Variants in UBE2E1 observed in about 807,000 individuals in gnomAD.
UBE2E1 encodes ubiquitin-conjugating enzyme E2 E1.
A neutral mutation model predicts 21.4 loss-of-function variants in UBE2E1; 6 were observed. That is an observed-to-expected ratio of 0.28 (90% CI 0.15 to 0.55). The LOEUF is 0.55. UBE2E1 is among the 20% of genes least tolerant of loss of function. The pLI, the probability that UBE2E1 is intolerant of heterozygous loss-of-function variation, is 0.93. For synonymous variants in UBE2E1, 87 were observed against 82.7 expected (o/e 1.05, Z -0.28); for missense variants, 142 against 236.5 (o/e 0.60, Z 2.62).
rs1164475881 is a variant in UBE2E1 at position 23,885,258 on chromosome 3, C to A, written c.204-2309C>A. Among the ~76,000 whole-genome samples the A allele has an allele frequency of 2.6e-5, 4 of 152,288 alleles. No homozygotes were observed. The East Asian group carries it at 7.7e-4, about 29-fold the overall frequency. ...TTTCTACCCCCTAACCCAGTACCTT[C>A]AAAGGCTCCACCTCCTAATACCGTC... On this transcript the variant is annotated intron_variant, in intron 3 of 5. Coordinates refer to ENST00000306627, the MANE Select transcript of UBE2E1 (RefSeq NM_003341.5).
chr3:23,861,641 G>A (rs1383791373), intron 3 of UBE2E1, among the ~76,000 whole-genome samples: 3 of 152,226 alleles, frequency 2.0e-5, no homozygotes, highest in South Asian at 2.1e-4. Context: ...ACACATTGGC[G>A]AAGGAATACA....
At position 23,890,626 on chromosome 3, in the gene UBE2E1, T is replaced by TA; in HGVS notation, c.*21dup. 1 of 1,607,916 alleles carries TA rather than the reference T, an allele frequency of 6.2e-7. No individual in the cohort carries two copies. The highest frequency in any genetic ancestry group is 8.5e-7 in the Non-Finnish European group (1 of 1,176,294). ...ACATAAATTGGGGTTTCACAATTCT[T>TA]ACATTATTTGTCTGTCACAGAAGAG... On this transcript the variant is annotated 3_prime_UTR_variant, in exon 6 of 6. Coordinates refer to ENST00000306627, the MANE Select transcript of UBE2E1 (RefSeq NM_003341.5).
chr3:23,874,519 C>T (rs1700873511), intron 3 of UBE2E1, among the ~76,000 whole-genome samples: 1 of 152,168 alleles, frequency 6.6e-6, no homozygotes, highest in African/African-American at 2.4e-5. Flanking sequence ...GTAGCATAAG[C>T]ATTGCAACTG....
intron 3 of UBE2E1, among the ~76,000 whole-genome samples, chr3:23,818,567 C>G (rs1699576329): frequency 6.6e-6 from 1 of 152,150 alleles, no homozygotes; most frequent in Non-Finnish European, 1.5e-5. Flanking sequence ...AAAATTACAC[C>G]ATGTTTGCTC....
In UBE2E1 at chr3:23,831,036, G is replaced by A. The variant is rs549052023; in HGVS notation, c.203+19526G>A. On this transcript the variant is annotated intron_variant, in intron 3 of 5. Transcript: ENST00000306627. The stretch of plus-strand genomic sequence containing the variant: ...ACCCACGTGATCTGGCTTCAGGGCC[G>A]ATACTCAACCACTGTACTTTGGAGA... Among the ~76,000 whole-genome samples, 6 of 152,292 alleles carry A rather than the reference G, an allele frequency of 3.9e-5. No homozygotes were observed. The East Asian group carries it at 7.7e-4, about 20-fold the overall frequency.
At chr3:23,825,235 C>A (rs895744823) in intron 3 of UBE2E1, among the ~76,000 whole-genome samples, 1 of 152,114 alleles carries the variant, frequency 6.6e-6, no homozygotes, top group Non-Finnish European at 1.5e-5. Flanking sequence ...CCTGCCCCAC[C>A]TGTGTTTCTC....
chr3:23,881,420 C>T (rs1411989833), intron 3 of UBE2E1, among the ~76,000 whole-genome samples: 1 of 152,116 alleles, frequency 6.6e-6, no homozygotes, highest in Non-Finnish European at 1.5e-5. Flanking sequence ...AAGGTATAGG[C>T]ATGGTCTCTT....
At chr3:23,832,715 A>C (rs1480418220) in intron 3 of UBE2E1, among the ~76,000 whole-genome samples, 1 of 152,282 alleles carries the variant, frequency 6.6e-6, no homozygotes, top group South Asian at 2.1e-4. Context: ...AGCCTGGACA[A>C]CAGAGCGAGA....
chr3:23,862,664 A>G (rs1011184029), intron 3 of UBE2E1, among the ~76,000 whole-genome samples: 9 of 152,218 alleles, frequency 5.9e-5, no homozygotes, highest in Non-Finnish European at 8.8e-5. Flanking sequence ...TCATTTGGTA[A>G]AGAATTGTGT....
At chr3:23,831,044 A>G (rs1320821096) in intron 3 of UBE2E1, among the ~76,000 whole-genome samples, 1 of 152,238 alleles carries the variant, frequency 6.6e-6, no homozygotes, top group African/African-American at 2.4e-5. Flanking sequence ...CCGATACTCA[A>G]CCACTGTACT....
chr3:23,850,528 T>A (rs1700298690), intron 3 of UBE2E1, among the ~76,000 whole-genome samples: 1 of 100,090 alleles, frequency 1.0e-5, no homozygotes. Flanking sequence ...ATTATTATTA[T>A]TTTTTTTTGA....
At chr3:23,831,518 CTTTTT>C (rs11430039) in intron 3 of UBE2E1, among the ~76,000 whole-genome samples, 6 of 137,200 alleles carry the variant, frequency 4.4e-5, no homozygotes, top group African/African-American at 1.6e-4. Context: ...AAAATGAATA[CTTTTT>C]TTTTTTTTTT....
In UBE2E1 at chr3:23,808,898, T is replaced by A. The variant is rs999029468; in HGVS notation, c.152+1477T>A. ...CTCAAGCCAGGATACTTGCTTTTGG[T>A]AATTTGCATTTTTATATTTTGCTAG... is the stretch of plus-strand genomic sequence containing the variant. On this transcript the variant is annotated intron_variant, in intron 2 of 5. Transcript: ENST00000306627. This position sits in a 1 kb window ranked among gnomAD's most constrained non-coding sequence, Gnocchi z 4.9. 5 of 152,206 alleles carry A rather than the reference T, an allele frequency of 3.3e-5. No individual in the cohort carries two copies. The highest frequency in any genetic ancestry group is 7.3e-5 in the Non-Finnish European group (5 of 68,042). 9.4% of individuals were successfully genotyped at this position (152,206 alleles called of 1,614,324 possible).
chr3:23,879,812 T>C (rs943217656), intron 3 of UBE2E1, among the ~76,000 whole-genome samples: 3 of 152,230 alleles, frequency 2.0e-5, no homozygotes, highest in Non-Finnish European at 4.4e-5. Flanking sequence ...ACTTTTTTTC[T>C]AGGGTATGAC....
At chr3:23,854,091 CTACTAAAA>C (rs1337123462) in intron 3 of UBE2E1, among the ~76,000 whole-genome samples, 1 of 152,020 alleles carries the variant, frequency 6.6e-6, no homozygotes, top group Non-Finnish European at 1.5e-5. Flanking sequence ...AACCCCACGT[CTACTAAAA>C]ATAGAAAAAT....
rs761002774 is a variant in UBE2E1 at position 23,889,269 on chromosome 3, A to G, written c.484+10A>G. On this transcript the variant is annotated intron_variant, in intron 5 of 5. Coordinates refer to ENST00000306627, the MANE Select transcript of UBE2E1 (RefSeq NM_003341.5). Reference sequence around the variant, plus strand: ...ACAGACTGTAATCCTGGTAAGGTTCATAATTCTTTACCTTGTTTTATTCTT... The same window carrying G: ...ACAGACTGTAATCCTGGTAAGGTTCGTAATTCTTTACCTTGTTTTATTCTT... 12 of 1,613,698 alleles carry G rather than the reference A, an allele frequency of 7.4e-6. No individual in the cohort carries two copies. In the South Asian group the frequency reaches 9.9e-5, roughly 13 times the overall value.
rs558725469 is a variant in UBE2E1 at position 23,808,145 on chromosome 3, G to A, written c.152+724G>A. Among the ~76,000 whole-genome samples the A allele has an allele frequency of 3.9e-5, 6 of 152,072 alleles. No homozygotes were observed. In the South Asian group the frequency reaches 8.3e-4, roughly 21 times the overall value. On this transcript the variant is annotated intron_variant, in intron 2 of 5. Coordinates refer to ENST00000306627, the MANE Select transcript of UBE2E1 (RefSeq NM_003341.5). This position sits in a 1 kb window ranked among gnomAD's most constrained non-coding sequence, Gnocchi z 4.9. Reference sequence around the variant, plus strand: ...TTTGCCTTATTTTTTCAATTTAAGTGGTCTCCCTTTTACTTTATTCTTTTC... The same window carrying A: ...TTTGCCTTATTTTTTCAATTTAAGTAGTCTCCCTTTTACTTTATTCTTTTC...
chr3:23,890,745 G>T lies in UBE2E1; in HGVS notation c.*139G>T, dbSNP rs1201706747. 2 of 738,152 alleles carry T rather than the reference G, an allele frequency of 2.7e-6. No individual in the cohort carries two copies. The highest frequency in any genetic ancestry group is 3.7e-5 in the African/African-American group (2 of 54,494). The allele number at this position is 738,152 out of a possible 1,614,324, so 45.7% of individuals were successfully genotyped here. On this transcript the variant is annotated 3_prime_UTR_variant, in exon 6 of 6. Coordinates refer to ENST00000306627, the MANE Select transcript of UBE2E1 (RefSeq NM_003341.5). ...GATATTATTCAGTCTTATTTCCTAA[G>T]ATTTTGTTGTAACTTAAGGTATCTT... is the stretch of plus-strand genomic sequence containing the variant.
intron 3 of UBE2E1, among the ~76,000 whole-genome samples, chr3:23,868,199 T>C (rs1300416780): frequency 6.6e-6 from 1 of 152,220 alleles, no homozygotes; most frequent in Non-Finnish European, 1.5e-5. Flanking sequence ...GAATTATTGA[T>C]AGCCCAGACT....
Sources: gnomAD v4.1 joint callset for allele counts (sites outside exome capture counted in the v4.1 genomes callset) on GRCh38, gnomAD v4.1.1 for gene constraint, Gnocchi (gnomAD v3.1) non-coding constraint, MANE v1.5 for transcripts, NCBI Gene and HGNC (gene_info 2026-07-23, HGNC 2026-07-21) for gene names.